The following FAM43A variants were observed in gnomAD, a reference collection of about 807,000 sequenced individuals.
The protein encoded by FAM43A is protein FAM43A.
Under a neutral mutation model 15.7 loss-of-function variants are expected in FAM43A, and 11 were observed. The ratio of observed to expected loss-of-function variants is 0.70; its 90% CI spans 0.44 to 1.16. The LOEUF (loss-of-function observed/expected upper bound fraction) is 1.16. Among genes scored for constraint, FAM43A ranks in the 50% most tolerant of loss-of-function variants. The pLI is 0.00. For missense variants in FAM43A, 573 were observed against 620.0 expected, an observed-to-expected ratio of 0.92 and a Z score of 0.80; for synonymous variants, 319 against 291.7, an observed-to-expected ratio of 1.09 and a Z score of -0.96.
chr3:194,687,126 C>G lies in FAM43A; in HGVS notation c.300C>G (p.Ser100Arg). ...DLAVGKIWSK[S>R]EAGRQGTKMK... The stretch of plus-strand genomic sequence containing the variant: ...CTGTGGGCAAGATCTGGAGCAAGAG[C>G]GAGGCGGGCCGTCAGGGCACCAAGA... Residue 100 changes from serine to arginine, a missense_variant, in exon 1 of 1, where the codon AGC becomes AGG. By Grantham distance (110) the Ser-to-Arg change is moderately radical. Transcript: ENST00000329759. The G allele has an allele frequency of 6.2e-7, 1 of 1,613,202 alleles. No homozygotes were observed. The highest frequency in any genetic ancestry group is 8.5e-7 in the Non-Finnish European group (1 of 1,179,910).
At position 194,687,981 on chromosome 3, in the gene FAM43A, C is replaced by G; in HGVS notation, c.1155C>G (p.Asp385Glu). The G allele has an allele frequency of 1.4e-6, 2 of 1,430,886 alleles. No individual in the cohort carries two copies. Among genetic ancestry groups the G allele is most frequent in the Non-Finnish European group, 1.8e-6 (2 of 1,092,718 alleles). The allele number at this position is 1,430,886 out of a possible 1,614,324, so 88.6% of individuals were successfully genotyped here. A position where few individuals can be genotyped will look rare whatever the true frequency, so the allele number is the denominator to read the frequency against. Reference sequence around the variant, plus strand: ...GGGTGACGCGCCTGCTGTCAGGCGACAGCACGGGCAGCGAGAGCTCCATCG... The same window carrying G: ...GGGTGACGCGCCTGCTGTCAGGCGAGAGCACGGGCAGCGAGAGCTCCATCG... ...DLRVTRLLSG[D>E]STGSESSIEG... Residue 385 changes from aspartate (D) to glutamate (E), a missense_variant, in exon 1 of 1, where the codon GAC becomes GAG. By Grantham distance (45) the Asp-to-Glu change is conservative. Coordinates refer to ENST00000329759, the MANE Select transcript of FAM43A (RefSeq NM_153690.5).
At position 194,688,139 on chromosome 3, in the gene FAM43A, T is replaced by C; in HGVS notation, c.*41T>C. On this transcript the variant is annotated 3_prime_UTR_variant, in exon 1 of 1. Coordinates refer to ENST00000329759, the MANE Select transcript of FAM43A (RefSeq NM_153690.5). ...GCCGGCGCTCCACCGTGGCTACCCA[T>C]CCGTGGTCCCGACAACCTCCCTGTC... 7.6e-7 allele frequency: 1 copy of C among 1,308,170 alleles called. No individual in the cohort carries two copies. The highest frequency in any genetic ancestry group is 9.8e-7 in the Non-Finnish European group (1 of 1,022,040). The allele number at this position is 1,308,170 out of a possible 1,614,324, so 81.0% of individuals were successfully genotyped here. A position where few individuals can be genotyped will look rare whatever the true frequency, so the allele number is the denominator to read the frequency against.
Position 194,687,998 on chromosome 3 carries a change from G to A in FAM43A, c.1172G>A (p.Ser391Asn), listed in dbSNP as rs757934054. Residue 391 changes from serine to asparagine, a missense_variant, in exon 1 of 1, where the codon AGC (serine) becomes AAC (asparagine). Physicochemically the swap from Ser to Asn is conservative, Grantham distance 46 (BLOSUM62 1). Transcript: ENST00000329759. ...LLSGDSTGSESSIEGGGPDAT... is the reference protein window; with the variant it reads ...LLSGDSTGSENSIEGGGPDAT... ...TCAGGCGACAGCACGGGCAGCGAGA[G>A]CTCCATCGAGGGCGGGGGCCCTGAC... 7.0e-7 allele frequency: 1 copy of A among 1,427,190 alleles called. No homozygotes were observed. The highest frequency in any genetic ancestry group is 2.7e-5 in the East Asian group (1 of 37,298). 88.4% of individuals were successfully genotyped at this position (1,427,190 alleles called of 1,614,324 possible).
chr3:194,688,258 T>A lies in FAM43A; in HGVS notation c.*160T>A. 1 of 811,608 alleles carries A rather than the reference T, an allele frequency of 1.2e-6. No homozygotes were observed. The highest frequency in any genetic ancestry group is 1.7e-6 in the Non-Finnish European group (1 of 592,208). 50.3% of individuals were successfully genotyped at this position (811,608 alleles called of 1,614,324 possible). A position where few individuals can be genotyped will look rare whatever the true frequency, so the allele number is the denominator to read the frequency against. On this transcript the variant is annotated 3_prime_UTR_variant, in exon 1 of 1. Transcript: ENST00000329759. ...CAGCGTTCCCCCGACCGCTTTCCCCTACCTCCCGGCCCCCGCTCCCGCCCC... is the reference window on the plus strand; with the variant it reads ...CAGCGTTCCCCCGACCGCTTTCCCCAACCTCCCGGCCCCCGCTCCCGCCCC...
At position 194,687,975 on chromosome 3, in the gene FAM43A, A is replaced by G. The variant is rs4677673; in HGVS notation, c.1149A>G (p.Ser383=). 0.63 allele frequency: 904,491 copies of G among 1,425,242 alleles called. 289,251 individuals carry two copies. Among genetic ancestry groups the G allele is most frequent in the African/African-American group, 0.79 (53,304 of 67,062 alleles). 88.3% of individuals were successfully genotyped at this position (1,425,242 alleles called of 1,614,324 possible). A position where few individuals can be genotyped will look rare whatever the true frequency, so the allele number is the denominator to read the frequency against. ...ACTTGCGGGTGACGCGCCTGCTGTC[A>G]GGCGACAGCACGGGCAGCGAGAGCT... The part of the protein sequence containing the change: ...QADLRVTRLL[S]GDSTGSESSI... Residue 383 remains serine (S), a synonymous_variant, in exon 1 of 1, where the codon TCA becomes TCG. Transcript: ENST00000329759.
In FAM43A at chr3:194,687,491, C is replaced by T; in HGVS notation, c.665C>T (p.Pro222Leu). The part of the protein sequence containing the change: ...QQELVGAHTI[P>L]LVPLRKLLLH... ...GAGCTGGTGGGCGCACACACCATCC[C>T]GCTAGTGCCGCTGCGCAAGCTGCTC... Residue 222 changes from proline to leucine, a missense_variant, in exon 1 of 1, where the codon CCG becomes CTG. Physicochemically the swap from Pro to Leu is moderately conservative, Grantham distance 98. Coordinates refer to ENST00000329759, the MANE Select transcript of FAM43A (RefSeq NM_153690.5). 6.5e-7 allele frequency: 1 copy of T among 1,541,370 alleles called. No homozygotes were observed. The highest frequency in any genetic ancestry group is 8.8e-7 in the Non-Finnish European group (1 of 1,140,886).
rs779116440 is a variant in FAM43A at position 194,688,116 on chromosome 3, C to G, written c.*18C>G. The G allele has an allele frequency of 9.1e-6, 12 of 1,321,580 alleles. No individual in the cohort carries two copies. The highest frequency in any genetic ancestry group is 9.7e-7 in the Non-Finnish European group (1 of 1,029,644). 81.9% of individuals were successfully genotyped at this position (1,321,580 alleles called of 1,614,324 possible). A position where few individuals can be genotyped will look rare whatever the true frequency, so the allele number is the denominator to read the frequency against. ...CGGGCTGAGCTCCTCCGCGCGTCGC[C>G]GGCGCTCCACCGTGGCTACCCATCC... On this transcript the variant is annotated 3_prime_UTR_variant, in exon 1 of 1. Coordinates refer to ENST00000329759, the MANE Select transcript of FAM43A (RefSeq NM_153690.5).
rs998626221 is a variant in FAM43A at position 194,688,201 on chromosome 3, T to G, written c.*103T>G. On this transcript the variant is annotated 3_prime_UTR_variant, in exon 1 of 1. Coordinates refer to ENST00000329759, the MANE Select transcript of FAM43A (RefSeq NM_153690.5). Reference sequence around the variant, plus strand: ...CCCAGGAAGGGGGAAATGGGGCATTTGGGGCCCAGACCTACACTTGGAGCC... The same window carrying G: ...CCCAGGAAGGGGGAAATGGGGCATTGGGGGCCCAGACCTACACTTGGAGCC... The G allele has an allele frequency of 8.3e-6, 10 of 1,201,646 alleles. No individual in the cohort carries two copies. The South Asian group carries it at 4.1e-4, about 50-fold the overall frequency. The allele number at this position is 1,201,646 out of a possible 1,614,324, so 74.4% of individuals were successfully genotyped here.
rs868592145 is a variant in FAM43A, at chr3:194,687,403, G to A, written c.577G>A (p.Ala193Thr). The A allele has an allele frequency of 6.5e-7, 1 of 1,533,938 alleles. No homozygotes were observed. Residue 193 changes from alanine to threonine, a missense_variant, in exon 1 of 1, where the codon GCC becomes ACC. Transcript: ENST00000329759. ...GGCCCTGCTGCTCTACCAGACGTCG[G>A]CCAACGCGCTGGCGGAATTTAAACG... ...AMALLLYQTSANALAEFKRLK... is the reference protein window; with the variant it reads ...AMALLLYQTSTNALAEFKRLK...
chr3:194,687,199 G>A lies in FAM43A; in HGVS notation c.373G>A (p.Glu125Lys). 6.2e-7 allele frequency: 1 copy of A among 1,606,958 alleles called. No homozygotes were observed. Among genetic ancestry groups the A allele is most frequent in the African/African-American group, 1.3e-5 (1 of 75,028 alleles). The change falls in exon 1 of 1, where the codon GAG (glutamate) becomes AAG (lysine). Residue 125 changes from glutamate to lysine, a missense_variant. Transcript: ENST00000329759. ...AQGIRMVHAE[E>K]RALRRPGHLY... Reference sequence around the variant, plus strand: ...GGGTATCCGCATGGTGCACGCCGAGGAGCGCGCGCTGCGCCGCCCGGGCCA... The same window carrying A: ...GGGTATCCGCATGGTGCACGCCGAGAAGCGCGCGCTGCGCCGCCCGGGCCA...
rs573741285 is a variant in FAM43A, at chr3:194,687,002, A to G, written c.176A>G (p.Lys59Arg). Reference protein sequence around the residue: ...RVGSMFRSKRKKLHITSEDPT... With the variant: ...RVGSMFRSKRRKLHITSEDPT... ...GGCAGCATGTTCCGCTCCAAGCGCA[A>G]GAAGCTGCACATCACTAGCGAGGAC... is the stretch of plus-strand genomic sequence containing the variant. The change falls in exon 1 of 1, where the codon AAG becomes AGG. Residue 59 changes from lysine to arginine, a missense_variant. Transcript: ENST00000329759. 128 of 1,609,574 alleles carry G rather than the reference A, an allele frequency of 8.0e-5. 2 individuals carry two copies. The East Asian group carries it at 2.8e-3, about 35-fold the overall frequency.
In FAM43A at chr3:194,687,203, G is replaced by T. The variant is rs775214286; in HGVS notation, c.377G>T (p.Arg126Leu). The T allele has an allele frequency of 1.9e-6, 3 of 1,605,934 alleles. No homozygotes were observed. The Admixed American group carries it at 5.0e-5, about 27-fold the overall frequency. Residue 126 changes from arginine (R) to leucine (L), a missense_variant, in exon 1 of 1, where the codon CGC (arginine) becomes CTC (leucine). Arg to Leu is a moderately radical substitution (Grantham distance 102). Transcript: ENST00000329759. ...ATCCGCATGGTGCACGCCGAGGAGC[G>T]CGCGCTGCGCCGCCCGGGCCACCTC... Reference protein sequence around the residue: ...QGIRMVHAEERALRRPGHLYL... With the variant: ...QGIRMVHAEELALRRPGHLYL...
chr3:194,688,245 G>A lies in FAM43A; in HGVS notation c.*147G>A, dbSNP rs1194816920. The A allele has an allele frequency of 2.0e-6, 2 of 983,290 alleles. No homozygotes were observed. Among genetic ancestry groups the A allele is most frequent in the Non-Finnish European group, 2.7e-6 (2 of 747,954 alleles). 60.9% of individuals were successfully genotyped at this position (983,290 alleles called of 1,614,324 possible). ...TGGAGCCCAGGTCCAGCGTTCCCCC[G>A]ACCGCTTTCCCCTACCTCCCGGCCC... On this transcript the variant is annotated 3_prime_UTR_variant, in exon 1 of 1. Coordinates refer to ENST00000329759, the MANE Select transcript of FAM43A (RefSeq NM_153690.5).
In FAM43A at chr3:194,686,930, T is replaced by C; in HGVS notation, c.104T>C (p.Leu35Pro). Reference protein sequence around the residue: ...GYAVSLHYSALSSLARACPEG... With the variant: ...GYAVSLHYSAPSSLARACPEG... ...GCTGTGAGCCTGCACTACTCGGCGC[T>C]CAGCTCGCTGGCGCGGGCGTGCCCC... The change falls in exon 1 of 1, where the codon CTC (leucine) becomes CCC (proline). Residue 35 changes from leucine (L) to proline (P), a missense_variant. Leu to Pro is a moderately conservative substitution (Grantham distance 98). Coordinates refer to ENST00000329759, the MANE Select transcript of FAM43A (RefSeq NM_153690.5). 6.2e-7 allele frequency: 1 copy of C among 1,609,952 alleles called. No individual in the cohort carries two copies. Among genetic ancestry groups the C allele is most frequent in the African/African-American group, 1.3e-5 (1 of 74,990 alleles).
Position 194,686,814 on chromosome 3 carries a change from G to T in FAM43A, c.-13G>T, listed in dbSNP as rs758191910. ...GCCGCCGCCGCCCAGCTGCGCCGGG[G>T]CGCCCTCCGGAGATGCTGCCGTGGA... On this transcript the variant is annotated 5_prime_UTR_variant, in exon 1 of 1. Coordinates refer to ENST00000329759, the MANE Select transcript of FAM43A (RefSeq NM_153690.5). The T allele has an allele frequency of 6.6e-7, 1 of 1,512,686 alleles. No homozygotes were observed. Among genetic ancestry groups the T allele is most frequent in the South Asian group, 1.3e-5 (1 of 78,944 alleles). 93.7% of individuals were successfully genotyped at this position (1,512,686 alleles called of 1,614,324 possible). A position where few individuals can be genotyped will look rare whatever the true frequency, so the allele number is the denominator to read the frequency against.
Position 194,686,086 on chromosome 3 carries a change from G to A in FAM43A, c.-741G>A, listed in dbSNP as rs925943577. Among the ~76,000 whole-genome samples, 2 of 152,226 alleles carry A rather than the reference G, an allele frequency of 1.3e-5. No homozygotes were observed. Among genetic ancestry groups the A allele is most frequent in the Non-Finnish European group, 2.9e-5 (2 of 68,042 alleles). On this transcript the variant is annotated 5_prime_UTR_variant, in exon 1 of 1. Transcript: ENST00000329759. Reference sequence around the variant, plus strand: ...GCGCCGTCTCGGCCAGGCCAGCCCGGACACTGAGCGGGCCGAGCGCGAGTC... The same window carrying A: ...GCGCCGTCTCGGCCAGGCCAGCCCGAACACTGAGCGGGCCGAGCGCGAGTC...
Position 194,688,959 on chromosome 3 carries a change from G to A in FAM43A, c.*861G>A, listed in dbSNP as rs1719495525. 6.1e-6 allele frequency: 1 copy of A among 164,744 alleles called. No homozygotes were observed. The highest frequency in any genetic ancestry group is 2.4e-5 in the African/African-American group (1 of 41,444). The allele number at this position is 164,744 out of a possible 1,614,324, so 10.2% of individuals were successfully genotyped here. On this transcript the variant is annotated 3_prime_UTR_variant, in exon 1 of 1. Coordinates refer to ENST00000329759, the MANE Select transcript of FAM43A (RefSeq NM_153690.5). Reference sequence around the variant, plus strand: ...TACAGAAATGTGTATAAAACATTTTGTTATTTTTTAAAAGTAGCACTGTTC... The same window carrying A: ...TACAGAAATGTGTATAAAACATTTTATTATTTTTTAAAAGTAGCACTGTTC...
Position 194,687,939 on chromosome 3 carries a change from C to A in FAM43A, c.1113C>A (p.Thr371=), listed in dbSNP as rs376637391. The A allele has an allele frequency of 2.1e-6, 3 of 1,440,818 alleles. No homozygotes were observed. Among genetic ancestry groups the A allele is most frequent in the Non-Finnish European group, 2.7e-6 (3 of 1,096,096 alleles). 89.3% of individuals were successfully genotyped at this position (1,440,818 alleles called of 1,614,324 possible). The change falls in exon 1 of 1, where the codon ACC becomes ACA. Residue 371 remains threonine, a synonymous_variant. Coordinates refer to ENST00000329759, the MANE Select transcript of FAM43A (RefSeq NM_153690.5). ...TCAGCTTCGGCAACGACGTGCGCACCCTGCAGGCCGACTTGCGGGTGACGC... is the reference window on the plus strand; with the variant it reads ...TCAGCTTCGGCAACGACGTGCGCACACTGCAGGCCGACTTGCGGGTGACGC... ...GELSFGNDVR[T]LQADLRVTRL...
chr3:194,687,181 C>T lies in FAM43A; in HGVS notation c.355C>T (p.Arg119Cys), dbSNP rs749370333. The T allele has an allele frequency of 4.3e-6, 7 of 1,610,172 alleles. No individual in the cohort carries two copies. The South Asian group carries it at 7.7e-5, about 18-fold the overall frequency. The stretch of plus-strand genomic sequence containing the variant: ...GCTGACGGTGAGTGCGCAGGGTATC[C>T]GCATGGTGCACGCCGAGGAGCGCGC... ...MKLTVSAQGI[R>C]MVHAEERALR... The change falls in exon 1 of 1, where the codon CGC becomes TGC. Residue 119 changes from arginine (R) to cysteine (C), a missense_variant. Physicochemically the swap from Arg to Cys is radical, Grantham distance 180 (BLOSUM62 -3). Transcript: ENST00000329759.
Sources: allele counts gnomAD v4.1 joint callset (sites outside exome capture counted in the v4.1 genomes callset), GRCh38; gene constraint gnomAD v4.1.1; transcripts MANE v1.5; gene names NCBI Gene and HGNC (gene_info 2026-07-23, HGNC 2026-07-21).